CCDC178: variants seen among roughly 807,000 people sequenced by gnomAD.
CCDC178 encodes the protein coiled-coil domain containing 178.
In CCDC178, 126 loss-of-function variants were observed where a neutral mutation model predicts 117.4. The ratio of observed to expected loss-of-function variants is 1.07; its 90% CI spans 0.93 to 1.24. The LOEUF (loss-of-function observed/expected upper bound fraction) is 1.24, where lower values mean the gene tolerates loss of function less well. Ranked by LOEUF, CCDC178 falls within the 50% of genes most tolerant of loss-of-function variation. The pLI is 0.00. For missense variants in CCDC178, 1,030 were observed against 986.9 expected, an observed-to-expected ratio of 1.04 and a Z score of -0.59; for synonymous variants, 283 against 313.4, an observed-to-expected ratio of 0.90 and a Z score of 1.02.
chr18:32,954,555 A>T (rs1413873012), intron 22 of CCDC178: 1 of 152,158 alleles, frequency 6.6e-6, no homozygotes, highest in African/African-American at 2.4e-5. Flanking sequence ...AACTTAATAC[A>T]TCAATTGCCA....
At chr18:33,065,442 A>C (rs2056995352) in intron 21 of CCDC178, among the ~76,000 whole-genome samples, 1 of 152,228 alleles carries the variant, frequency 6.6e-6, no homozygotes, top group African/African-American at 2.4e-5. Context: ...GAACACCATA[A>C]AGTCATCCAA....
rs532995845 is a variant in CCDC178, at chr18:32,956,220, T to G, written c.2524-18129A>C. Among the ~76,000 whole-genome samples, 15 of 152,328 alleles carry G rather than the reference T, an allele frequency of 9.8e-5. 1 individual carries two copies. The South Asian group carries it at 3.1e-3, about 32-fold the overall frequency. On this transcript the variant is annotated intron_variant, in intron 22 of 22. Transcript: ENST00000383096. The stretch of plus-strand genomic sequence containing the variant: ...AGATCCTGGCTATCCATATATTTAT[T>G]TTCATGTCTTGTATTTCTACATGTG...
chr18:33,313,290 G>A (rs952905454), intron 11 of CCDC178, among the ~76,000 whole-genome samples: 2 of 152,176 alleles, frequency 1.3e-5, no homozygotes, highest in Admixed American at 6.5e-5. Flanking sequence ...AGCCCAGGTG[G>A]AAGCAGTTCA....
intron 5 of CCDC178, among the ~76,000 whole-genome samples, chr18:33,387,147 C>G (rs1027540667): frequency 3.0e-4 from 45 of 152,132 alleles, no homozygotes; most frequent in African/African-American, 1.0e-3. Context: ...AAACAACTAA[C>G]AAGGGAAGTG....
chr18:32,964,399 A>G (rs2054768833), intron 22 of CCDC178, among the ~76,000 whole-genome samples: 1 of 151,966 alleles, frequency 6.6e-6, no homozygotes, highest in African/African-American at 2.4e-5. Context: ...GTGTGCCTAT[A>G]TGTAGTTTCT....
chr18:33,255,364 A>G (rs1189546096), intron 14 of CCDC178, among the ~76,000 whole-genome samples: 1 of 152,120 alleles, frequency 6.6e-6, no homozygotes, highest in Non-Finnish European at 1.5e-5. Context: ...ACAGTGTCCA[A>G]TCTATCAGTC....
chr18:33,367,163 G>A (rs1393663965), intron 6 of CCDC178, among the ~76,000 whole-genome samples: 1 of 152,154 alleles, frequency 6.6e-6, no homozygotes, highest in East Asian at 1.9e-4. Flanking sequence ...AATGTGTGAT[G>A]TTTTGATCCA....
intron 20 of CCDC178, among the ~76,000 whole-genome samples, chr18:33,156,709 T>C (rs1365148203): frequency 6.6e-6 from 1 of 151,200 alleles, no homozygotes; most frequent in African/African-American, 2.4e-5. Flanking sequence ...TCAGATGCTG[T>C]AATTAAAATA....
At chr18:32,954,742 C>T (rs971311020) in intron 22 of CCDC178, 1 of 152,102 alleles carries the variant, frequency 6.6e-6, no homozygotes, top group Admixed American at 6.5e-5. Context: ...AGATATCTGT[C>T]TCCTTTCACA....
At chr18:33,267,639 C>G (rs1296641065) in intron 12 of CCDC178, among the ~76,000 whole-genome samples, 3 of 151,362 alleles carry the variant, frequency 2.0e-5, no homozygotes, top group Non-Finnish European at 4.4e-5. Flanking sequence ...TCATTAGACT[C>G]AAGAATAAGA....
intron 20 of CCDC178, among the ~76,000 whole-genome samples, chr18:33,201,658 G>A (rs912712422): frequency 2.5e-4 from 37 of 145,736 alleles, no homozygotes; most frequent in African/African-American, 2.2e-4. Context: ...TGCAAAAGCC[G>A]TGGGTTGTAT....
Position 33,071,656 on chromosome 18 carries a change from T to C in CCDC178, c.2388+21105A>G, listed in dbSNP as rs539001298. On this transcript the variant is annotated intron_variant, in intron 21 of 22. Coordinates refer to ENST00000383096, the MANE Select transcript of CCDC178 (RefSeq NM_001105528.4). ...GAATCTGCTCTTTGTCATATTCTCA[T>C]TGGGAAACTTGAGGAAATATGACCT... Among the ~76,000 whole-genome samples, 3 of 152,232 alleles carry C rather than the reference T, an allele frequency of 2.0e-5. No homozygotes were observed. In the South Asian group the frequency reaches 6.2e-4, roughly 32 times the overall value.
In CCDC178 at chr18:33,045,424, G is replaced by A. The variant is rs138275466; in HGVS notation, c.2388+47337C>T. Among the ~76,000 whole-genome samples the A allele has an allele frequency of 5.0e-3, 766 of 152,188 alleles. 3 individuals carry two copies. Among genetic ancestry groups the A allele is most frequent in the Non-Finnish European group, 8.4e-3 (573 of 67,994 alleles). ...TCAACAAAGTGCTGAGCATGTAGTGGGTGCTTAATAGATATTTGCTAACTA... is the reference window on the plus strand; with the variant it reads ...TCAACAAAGTGCTGAGCATGTAGTGAGTGCTTAATAGATATTTGCTAACTA... On this transcript the variant is annotated intron_variant, in intron 21 of 22. Transcript: ENST00000383096.
intron 21 of CCDC178, chr18:32,983,199 G>A: frequency 1.3e-6 from 1 of 781,964 alleles, no homozygotes; most frequent in Non-Finnish European, 2.1e-6. Flanking sequence ...GTACATGGTG[G>A]TGACAATGTG....
intron 21 of CCDC178, among the ~76,000 whole-genome samples, chr18:33,088,103 T>C (rs1240808083): frequency 6.6e-6 from 1 of 152,082 alleles, no homozygotes; most frequent in African/African-American, 2.4e-5. Context: ...TACATTATAG[T>C]CTAGGAAAGA....
chr18:33,263,580 C>G (rs2059776800), intron 14 of CCDC178, among the ~76,000 whole-genome samples: 1 of 152,066 alleles, frequency 6.6e-6, no homozygotes, highest in Non-Finnish European at 1.5e-5. Flanking sequence ...ATATTAATAG[C>G]TATATTTCTA....
chr18:33,345,694 T>G (rs1169972146), intron 9 of CCDC178, among the ~76,000 whole-genome samples: 3 of 152,162 alleles, frequency 2.0e-5, no homozygotes, highest in Non-Finnish European at 2.9e-5. Flanking sequence ...GTGGGTACCA[T>G]AAATGCTACT....
At chr18:32,994,529 C>A (rs373544070) in intron 21 of CCDC178, among the ~76,000 whole-genome samples, 1 of 151,916 alleles carries the variant, frequency 6.6e-6, no homozygotes, top group Non-Finnish European at 1.5e-5. Flanking sequence ...ATGAAGATAC[C>A]CTGTTTCCAG....
intron 20 of CCDC178, among the ~76,000 whole-genome samples, chr18:33,148,953 C>T (rs1401198191): frequency 1.3e-5 from 2 of 152,322 alleles, no homozygotes; most frequent in South Asian, 4.1e-4. Flanking sequence ...AGCCCCCTTG[C>T]TAGGAGCTAT....
Sources: allele counts gnomAD v4.1 joint callset (sites outside exome capture counted in the v4.1 genomes callset), GRCh38; gene constraint gnomAD v4.1.1; transcripts MANE v1.5; gene names NCBI Gene and HGNC (gene_info 2026-07-23, HGNC 2026-07-21).